The following COL4A6 variants were observed in gnomAD, a reference collection of about 807,000 sequenced individuals.
The protein encoded by COL4A6 is collagen type IV alpha 6 chain.
A neutral mutation model predicts 126.7 loss-of-function variants in COL4A6; 59 were observed. That is an observed-to-expected ratio of 0.47 (90% CI 0.38 to 0.58). COL4A6 has a LOEUF of 0.58. Among genes scored for constraint, COL4A6 ranks in the 20% least tolerant of loss-of-function variants. COL4A6 has a pLI of 0.00. For missense variants in COL4A6, 1,285 were observed against 1,337.3 expected (o/e 0.96, Z 0.61); for synonymous variants, 547 against 496.6 (o/e 1.10, Z -1.35).
At chrX:108,341,612 T>C (rs2039566925) in intron 2 of COL4A6, among the ~76,000 whole-genome samples, 3 of 111,137 alleles carry the variant, frequency 2.7e-5, no homozygotes, top group Non-Finnish European at 5.7e-5. Context: ...TTAAACCTCT[T>C]TTTCTTTATA....
chrX:108,291,599 A>G (rs1241993970), intron 3 of COL4A6, among the ~76,000 whole-genome samples: 2 of 111,097 alleles, frequency 1.8e-5, no homozygotes, highest in Non-Finnish European at 3.8e-5. Flanking sequence ...CTTCACTTAT[A>G]AATCTTTCTT....
chrX:108,174,997 G>A (rs2034433765), intron 30 of COL4A6, 93 bp downstream of exon 30: 19 of 1,044,252 alleles, frequency 1.8e-5, no homozygotes, highest in Non-Finnish European at 2.4e-5. Context: ...GCGATGGGGG[G>A]CTGTACTTGA....
chrX:108,350,472 C>T lies in COL4A6; in HGVS notation c.64-39644G>A, dbSNP rs775783298. ...AAAGTCAGAAACTCTGGAAGTAGCA[C>T]CCCCTTCCATCTCCAAGCTCTACAG... On this transcript the variant is annotated intron_variant, in intron 2 of 44. Coordinates refer to ENST00000334504, the MANE Select transcript of COL4A6 (RefSeq NM_033641.4). Among the ~76,000 whole-genome samples, 19 of 111,334 alleles carry T rather than the reference C, an allele frequency of 1.7e-4. No homozygotes were observed. In the South Asian group the frequency reaches 7.3e-3, roughly 42 times the overall value.
chrX:108,358,241 C>T (rs2040000292), intron 2 of COL4A6, among the ~76,000 whole-genome samples: 1 of 111,481 alleles, frequency 9.0e-6, no homozygotes, highest in Non-Finnish European at 1.9e-5. Flanking sequence ...TTTCCAATAC[C>T]AGGCACAGCT....
intron 28 of COL4A6, 51 bp downstream of exon 28, chrX:108,176,790 A>T: frequency 8.8e-7 from 1 of 1,136,556 alleles, no homozygotes; most frequent in Non-Finnish European, 1.2e-6. Flanking sequence ...TGCGCAGCTG[A>T]AATGCTCCTT....
chrX:108,282,725 T>G (rs1440666113), intron 3 of COL4A6, among the ~76,000 whole-genome samples: 1 of 107,579 alleles, frequency 9.3e-6, no homozygotes, highest in Non-Finnish European at 1.9e-5. Flanking sequence ...CTATTCACAA[T>G]AGCAAAGACT....
chrX:108,223,401 A>T (rs2036076380), intron 3 of COL4A6, among the ~76,000 whole-genome samples: 1 of 111,765 alleles, frequency 8.9e-6, no homozygotes, highest in South Asian at 3.8e-4. Context: ...AAGAAAGAAA[A>T]TGTGGGCCTA....
At chrX:108,187,015 T>C in intron 23 of COL4A6, 81 bp downstream of exon 23, 3 of 826,251 alleles carry the variant, frequency 3.6e-6, no homozygotes, top group Non-Finnish European at 3.3e-6. Flanking sequence ...CTTCTTATGA[T>C]ACATTTCATG....
At chrX:108,366,263 C>T (rs1350254351) in intron 2 of COL4A6, among the ~76,000 whole-genome samples, 1 of 111,578 alleles carries the variant, frequency 9.0e-6, no homozygotes, top group Non-Finnish European at 1.9e-5. Context: ...TGAGGCTCCA[C>T]AGAAGTGAAT....
At chrX:108,339,402 A>G (rs1026607903) in intron 2 of COL4A6, among the ~76,000 whole-genome samples, 3 of 111,315 alleles carry the variant, frequency 2.7e-5, no homozygotes, top group African/African-American at 9.8e-5. Context: ...CTACTCTTCT[A>G]TACCACATTT....
At chrX:108,235,942 G>A (rs957860345) in intron 3 of COL4A6, among the ~76,000 whole-genome samples, 2 of 110,572 alleles carry the variant, frequency 1.8e-5, no homozygotes, top group African/African-American at 6.6e-5. Context: ...CAGACCAGGG[G>A]CCTGGCCGGA....
chrX:108,317,096 G>A (rs2038898165), intron 2 of COL4A6, among the ~76,000 whole-genome samples: 1 of 112,357 alleles, frequency 8.9e-6, no homozygotes, highest in African/African-American at 3.2e-5. Context: ...TAGTTCAGCA[G>A]GATGATGGAT....
At chrX:108,192,692 T>C (rs1234964155) in intron 17 of COL4A6, 112 bp from the exon 18 acceptor site, 7 of 506,334 alleles carry the variant, frequency 1.4e-5, no homozygotes, top group Non-Finnish European at 2.3e-5. Context: ...GTGCCTTTCA[T>C]GCCTTTCCCA....
At chrX:108,438,032 C>T in intron 1 of COL4A6, 39 bp from the exon 2 acceptor site, 1 of 1,203,434 alleles carries the variant, frequency 8.3e-7, no homozygotes, top group Non-Finnish European at 1.1e-6. Context: ...GCTCTCTAGG[C>T]TTCGGGGTCG....
chrX:108,202,780 G>T (rs1489046152), intron 13 of COL4A6, 148 bp downstream of exon 13: 2 of 516,381 alleles, frequency 3.9e-6, no homozygotes, highest in Non-Finnish European at 6.7e-6. Flanking sequence ...TGAGAAACAA[G>T]AACATCTCCT....
At chrX:108,230,809 G>T (rs73636384) in intron 3 of COL4A6, among the ~76,000 whole-genome samples, 4,783 of 111,355 alleles carry the variant, frequency 0.043, 223 homozygotes, top group African/African-American at 0.13. Flanking sequence ...TCAACTCTGT[G>T]CTCTCTCTGT....
chrX:108,214,164 C>A lies in COL4A6; in HGVS notation c.389G>T (p.Gly130Val). The change falls in exon 6 of 45, where the codon GGA (glycine) becomes GTA (valine). Residue 130 changes from glycine to valine, a missense_variant. Gly to Val is a moderately radical substitution (Grantham distance 109, BLOSUM62 -3). Transcript: ENST00000334504. ...PGLDGCNGTQGAVGFPGPDGY... is the reference protein window; with the variant it reads ...PGLDGCNGTQVAVGFPGPDGY... ...ATCAGGGCCTGGAAATCCAACAGCT[C>A]CTTGAGTTCCATTACAGCCATCCAG... The A allele has an allele frequency of 8.3e-7, 1 of 1,210,243 alleles. No homozygotes were observed.
intron 36 of COL4A6, 65 bp from the exon 37 acceptor site, chrX:108,169,685 C>T (rs1663335482): frequency 5.2e-6 from 6 of 1,143,187 alleles, no homozygotes; most frequent in Non-Finnish European, 7.0e-6. Context: ...GCCTAACTCA[C>T]TCGCCTGTGG....
intron 2 of COL4A6, among the ~76,000 whole-genome samples, chrX:108,354,057 G>A (rs1472209019): frequency 9.0e-6 from 1 of 111,728 alleles, no homozygotes; most frequent in Non-Finnish European, 1.9e-5. Context: ...GGAGGCTGAG[G>A]CTCAAGAATG....
Sources: allele counts gnomAD v4.1 joint callset (sites outside exome capture counted in the v4.1 genomes callset), GRCh38; gene constraint gnomAD v4.1.1; transcripts MANE v1.5; gene names NCBI Gene and HGNC (gene_info 2026-07-23, HGNC 2026-07-21).